PDE4D: variants seen among roughly 807,000 people sequenced by gnomAD.
PDE4D encodes 3',5'-cyclic-AMP phosphodiesterase 4D.
In PDE4D, 24 loss-of-function variants were observed where a neutral mutation model predicts 87.4. The ratio of observed to expected loss-of-function variants is 0.27; its 90% CI spans 0.20 to 0.39. The LOEUF is 0.39. PDE4D is among the 10% of genes least tolerant of loss of function. The probability of loss-of-function intolerance (pLI) is 1.00; values close to 1 mark genes in which losing one functional copy is unlikely to be tolerated. For missense variants in PDE4D, 714 were observed against 1,041.0 expected (o/e 0.69, Z 4.32); for synonymous variants, 384 against 383.2 (o/e 1.00, Z -0.02).
At position 59,292,661 on chromosome 5, in the gene PDE4D, G is replaced by A. The variant is rs185479107; in HGVS notation, c.456-76693C>T. On this transcript the variant is annotated intron_variant, in intron 1 of 14. Transcript: ENST00000340635. ...TACTCATTTGACAATTATTGAAGTC[G>A]ACATAATCTTATGCTTTGAACATTT... Among the ~76,000 whole-genome samples the A allele has an allele frequency of 3.5e-4, 54 of 152,144 alleles. 1 individual carries two copies. The highest frequency in any genetic ancestry group is 1.2e-3 in the African/African-American group (50 of 41,526).
chr5:60,415,633 C>G lies in PDE4D; in HGVS notation c.-90+72309G>C, dbSNP rs192012346. 4.0e-3 allele frequency among the ~76,000 whole-genome samples: 603 copies of G among 152,364 alleles called. 4 individuals carry two copies. The highest frequency in any genetic ancestry group is 6.1e-3 in the Non-Finnish European group (413 of 68,020). On this transcript the variant is annotated intron_variant, in intron 1 of 16. Transcript: ENST00000502484. ...TGCTGCACTCAATTTCTCACCAGGC[C>G]TTAGTTGCCTCCCCACGGGGCAGGG...
At chr5:60,463,639 G>A (rs896828965) in intron 1 of PDE4D, among the ~76,000 whole-genome samples, 4 of 152,210 alleles carry the variant, frequency 2.6e-5, no homozygotes, top group African/African-American at 9.7e-5. Context: ...TGCTAGAGCA[G>A]TACAGGCTGA....
chr5:59,444,706 G>A (rs750220800), intron 1 of PDE4D, among the ~76,000 whole-genome samples: 4 of 152,046 alleles, frequency 2.6e-5, no homozygotes, highest in Non-Finnish European at 1.5e-5. Flanking sequence ...CAGCTACTCC[G>A]GAGGCTGAGG....
intron 1 of PDE4D, among the ~76,000 whole-genome samples, chr5:59,874,980 C>T (rs557293468): frequency 1.4e-4 from 21 of 152,270 alleles, no homozygotes; most frequent in Admixed American, 5.9e-4. Context: ...TGCAGATATC[C>T]TCCTTTTCCA....
chr5:59,464,191 C>G (rs1292007010), intron 1 of PDE4D, among the ~76,000 whole-genome samples: 1 of 152,180 alleles, frequency 6.6e-6, no homozygotes, highest in South Asian at 2.1e-4. Context: ...GACCGTCCCC[C>G]AGCCCGACAC....
intron 1 of PDE4D, among the ~76,000 whole-genome samples, chr5:59,386,087 T>G (rs1786920618): frequency 6.6e-6 from 1 of 152,228 alleles, no homozygotes; most frequent in Non-Finnish European, 1.5e-5. Flanking sequence ...TCTTCCATTC[T>G]CACACCTTTC....
chr5:59,976,863 A>G (rs989749085), intron 3 of PDE4D, among the ~76,000 whole-genome samples: 1 of 152,120 alleles, frequency 6.6e-6, no homozygotes, highest in African/African-American at 2.4e-5. Flanking sequence ...GTGATCTGTG[A>G]TCAGTGGTCT....
intron 1 of PDE4D, among the ~76,000 whole-genome samples, chr5:59,807,244 C>T (rs1020190531): frequency 6.6e-6 from 1 of 152,174 alleles, no homozygotes; most frequent in African/African-American, 2.4e-5. Context: ...TTCCCTTCTC[C>T]AGTCCTGCCT....
At chr5:59,612,917 G>A (rs1829187175) in intron 1 of PDE4D, among the ~76,000 whole-genome samples, 1 of 152,094 alleles carries the variant, frequency 6.6e-6, no homozygotes, top group Non-Finnish European at 1.5e-5. Flanking sequence ...AATCTGAGAG[G>A]CCACAGGAAA....
At chr5:59,102,971 A>C (rs1216011685) in intron 5 of PDE4D, among the ~76,000 whole-genome samples, 3 of 152,214 alleles carry the variant, frequency 2.0e-5, no homozygotes, top group Non-Finnish European at 2.9e-5. Flanking sequence ...AAAGCCCTTT[A>C]AAGTCTACAG....
intron 1 of PDE4D, among the ~76,000 whole-genome samples, chr5:60,428,597 T>G (rs1743920956): frequency 2.0e-5 from 3 of 152,210 alleles, no homozygotes; most frequent in Admixed American, 2.0e-4. Context: ...AATAAAATTA[T>G]AGTTATCACT....
At chr5:60,205,770 T>C (rs867608552) in intron 1 of PDE4D, among the ~76,000 whole-genome samples, 1 of 150,752 alleles carries the variant, frequency 6.6e-6, no homozygotes, top group South Asian at 2.1e-4. Flanking sequence ...GATGTGTGCC[T>C]GTAGTACTCG....
chr5:59,010,995 T>G (rs191964088), intron 6 of PDE4D, among the ~76,000 whole-genome samples: 1 of 152,242 alleles, frequency 6.6e-6, no homozygotes, highest in Non-Finnish European at 1.5e-5. Context: ...TATTTGCGGT[T>G]CGGCAGCCTC....
At chr5:60,205,731 C>A (rs1327070969) in intron 1 of PDE4D, among the ~76,000 whole-genome samples, 5 of 146,386 alleles carry the variant, frequency 3.4e-5, no homozygotes, top group Non-Finnish European at 3.0e-5. Context: ...ACTAAAAGTA[C>A]AAAAAAAAAA....
At position 59,878,745 on chromosome 5, in the gene PDE4D, T is replaced by G. The variant is rs946433704; in HGVS notation, c.455+14423A>C. Among the ~76,000 whole-genome samples, 37 of 152,270 alleles carry G rather than the reference T, an allele frequency of 2.4e-4. 1 individual carries two copies. The highest frequency in any genetic ancestry group is 8.7e-4 in the African/African-American group (36 of 41,550). On this transcript the variant is annotated intron_variant, in intron 1 of 14. Coordinates refer to ENST00000340635, the MANE Select transcript of PDE4D (RefSeq NM_001104631.2). ...AAAAACCTCTCTTAAATTCATCTCT[T>G]TACTGCCATGTCCATCCTTTACTGC...
chr5:59,341,984 C>A (rs1173662393), intron 1 of PDE4D, among the ~76,000 whole-genome samples: 1 of 152,088 alleles, frequency 6.6e-6, no homozygotes, highest in African/African-American at 2.4e-5. Context: ...GGCGCAGAGG[C>A]ACCTGAAACA....
At chr5:59,307,379 G>T (rs1771602701) in intron 1 of PDE4D, among the ~76,000 whole-genome samples, 1 of 150,652 alleles carries the variant, frequency 6.6e-6, no homozygotes, top group Admixed American at 6.6e-5. Context: ...TTAAACTAAA[G>T]AGCTTCTGCA....
At chr5:59,116,049 A>G (rs553305572) in intron 5 of PDE4D, among the ~76,000 whole-genome samples, 1 of 152,326 alleles carries the variant, frequency 6.6e-6, no homozygotes, top group South Asian at 2.1e-4. Context: ...CGTTTGCTGT[A>G]GTCCTAATAA....
At chr5:59,741,984 G>T (rs1232821076) in intron 1 of PDE4D, among the ~76,000 whole-genome samples, 1 of 152,156 alleles carries the variant, frequency 6.6e-6, no homozygotes, top group Non-Finnish European at 1.5e-5. Context: ...GTTTGCACCA[G>T]AAGGATCTTC....
Sources: allele counts gnomAD v4.1 joint callset (sites outside exome capture counted in the v4.1 genomes callset), GRCh38; gene constraint gnomAD v4.1.1; transcripts MANE v1.5; gene names NCBI Gene and HGNC (gene_info 2026-07-23, HGNC 2026-07-21).